Variants in ZNF99 observed in about 807,000 individuals in gnomAD.
ZNF99 encodes zinc finger protein 99.
ZNF99 carries 8 observed loss-of-function variants against 12.8 expected under a neutral mutation model. That is an observed-to-expected ratio of 0.62 (90% CI 0.37 to 1.13). ZNF99 has a LOEUF of 1.13. Among genes scored for constraint, ZNF99 ranks in the 50% most tolerant of loss-of-function variants. The pLI is 0.02. For synonymous variants in ZNF99, 318 were observed against 319.0 expected (o/e 1.00, Z 0.03); for missense variants, 1,007 against 1,006.2 (o/e 1.00, Z -0.01).
In ZNF99 at chr19:22,754,709, C is replaced by T. The variant is rs1177714072; in HGVS notation, c.*2605G>A. The T allele has an allele frequency of 3.2e-5, 9 of 277,460 alleles. No homozygotes were observed. Among genetic ancestry groups the T allele is most frequent in the Non-Finnish European group, 5.8e-5 (8 of 138,754 alleles). 17.2% of individuals were successfully genotyped at this position (277,460 alleles called of 1,614,324 possible). A position where few individuals can be genotyped will look rare whatever the true frequency, so the allele number is the denominator to read the frequency against. On this transcript the variant is annotated 3_prime_UTR_variant, in exon 4 of 4. Coordinates refer to ENST00000596209, the MANE Select transcript of ZNF99 (RefSeq NM_001080409.3). The stretch of plus-strand genomic sequence containing the variant: ...TCTTATGTTCAGTAAGGTTTGAGGA[C>T]GTTAAAAGCTTTGCAACATTCTTCA...
intron 1 of ZNF99, among the ~76,000 whole-genome samples, chr19:22,777,291 T>G (rs1973340629): frequency 6.6e-6 from 1 of 152,146 alleles, no homozygotes; most frequent in African/African-American, 2.4e-5. Context: ...AGAAAACTAA[T>G]GCAGAAAGAG....
At position 22,758,166 on chromosome 19, in the gene ZNF99, A is replaced by C. The variant is rs1973097434; in HGVS notation, c.1743T>G (p.Thr581=). 6.2e-7 allele frequency: 1 copy of C among 1,612,258 alleles called. No individual in the cohort carries two copies. The highest frequency in any genetic ancestry group is 1.7e-5 in the Admixed American group (1 of 59,842). Residue 581 remains threonine (T), a synonymous_variant, in exon 4 of 4, where the codon ACT becomes ACG. Coordinates refer to ENST00000596209, the MANE Select transcript of ZNF99 (RefSeq NM_001080409.3). ...CCCCAGTATGAATTGCTTTATGTCT[A>C]GTAAGATGTGAAGATTGCTTAAAAG... ...GKAFKQSSHL[T]RHKAIHTGEK... is the part of the protein sequence containing the mutation.
At chr19:22,770,007 A>C in intron 1 of ZNF99, 6 of 1,350,836 alleles carry the variant, frequency 4.4e-6, no homozygotes, top group Non-Finnish European at 5.9e-6. Context: ...CACCTCTCAA[A>C]TTTTAATGTG....
At chr19:22,772,206 A>C (rs1288005340) in intron 1 of ZNF99, among the ~76,000 whole-genome samples, 2 of 152,142 alleles carry the variant, frequency 1.3e-5, no homozygotes, top group African/African-American at 2.4e-5. Context: ...AGATGGACAG[A>C]GAGTGAGTTG....
At position 22,772,387 on chromosome 19, in the gene ZNF99, C is replaced by CA. The variant is rs373837530; in HGVS notation, c.4-3064dup. Reference sequence around the variant, plus strand: ...AGCTTCAAAAGATGAATACATAGTGCAAAAAACAAAAAGAAGGTCGGGTAC... The same window carrying CA: ...AGCTTCAAAAGATGAATACATAGTGCAAAAAAACAAAAAGAAGGTCGGGTAC... On this transcript the variant is annotated intron_variant, in intron 1 of 3. Coordinates refer to ENST00000596209, the MANE Select transcript of ZNF99 (RefSeq NM_001080409.3). 2.5e-3 allele frequency among the ~76,000 whole-genome samples: 387 copies of CA among 151,948 alleles called. 1 individual carries two copies. Among genetic ancestry groups the CA allele is most frequent in the African/African-American group, 6.8e-3 (281 of 41,500 alleles).
chr19:22,765,458 C>G (rs1359353264), intron 3 of ZNF99, among the ~76,000 whole-genome samples: 1 of 151,442 alleles, frequency 6.6e-6, no homozygotes, highest in Admixed American at 6.6e-5. Flanking sequence ...AACCAAACAC[C>G]ACTTGTACCT....
In ZNF99 at chr19:22,757,732, A is replaced by G. The variant is rs1973085868; in HGVS notation, c.2177T>C (p.Ile726Thr). The stretch of plus-strand genomic sequence containing the variant: ...TTTGTAGGGTTTCTCTCCAGTATGA[A>G]TTATCTCATGTTTTCTAAGAGTTGA... ...QSSTLRKHEI[I>T]HTGEKPYKCE... Residue 726 changes from isoleucine to threonine, a missense_variant, in exon 4 of 4, where the codon ATT becomes ACT. Transcript: ENST00000596209. The G allele has an allele frequency of 6.2e-7, 1 of 1,612,016 alleles. No individual in the cohort carries two copies. The highest frequency in any genetic ancestry group is 1.7e-5 in the Admixed American group (1 of 59,916).
intron 1 of ZNF99, chr19:22,769,856 G>T: frequency 1.5e-6 from 2 of 1,341,460 alleles, no homozygotes; most frequent in Non-Finnish European, 2.0e-6. Context: ...CACAACACCA[G>T]CACAGACAAG....
At chr19:22,777,554 T>C (rs2025479607) in intron 1 of ZNF99, among the ~76,000 whole-genome samples, 2 of 152,098 alleles carry the variant, frequency 1.3e-5, no homozygotes, top group South Asian at 2.1e-4. Context: ...AAAAACTCTA[T>C]GGGTGAAAGA....
In ZNF99 at chr19:22,754,004, T is replaced by C. The variant is rs534050600; in HGVS notation, c.*3310A>G. The C allele has an allele frequency of 1.1e-4, 49 of 456,046 alleles. No homozygotes were observed. The highest frequency in any genetic ancestry group is 7.4e-4 in the South Asian group (48 of 64,556). 28.2% of individuals were successfully genotyped at this position (456,046 alleles called of 1,614,324 possible). ...GTTTAAGGTGTTCTCAAGAGCACTG[T>C]CATGTCTTTTAGGTTTGTAGAGCTT... On this transcript the variant is annotated 3_prime_UTR_variant, in exon 4 of 4. Coordinates refer to ENST00000596209, the MANE Select transcript of ZNF99 (RefSeq NM_001080409.3).
chr19:22,757,260 T>C lies in ZNF99; in HGVS notation c.*54A>G. ...TTATGTTTCCTAAGGGTTGAGGAAT[T>C]GTTAAAAGCTTTGCCACATTCTTCA... On this transcript the variant is annotated 3_prime_UTR_variant, in exon 4 of 4. Transcript: ENST00000596209. The C allele has an allele frequency of 1.9e-6, 3 of 1,587,636 alleles. No homozygotes were observed. The highest frequency in any genetic ancestry group is 2.6e-6 in the Non-Finnish European group (3 of 1,162,498).
intron 1 of ZNF99, among the ~76,000 whole-genome samples, chr19:22,778,888 T>C (rs552668107): frequency 6.6e-6 from 1 of 151,972 alleles, no homozygotes; most frequent in South Asian, 2.1e-4. Flanking sequence ...CTGCCTGTAA[T>C]CCCAGCTACT....
chr19:22,755,627 T>A lies in ZNF99; in HGVS notation c.*1687A>T, dbSNP rs541510225. The A allele has an allele frequency of 1.4e-5, 4 of 281,060 alleles. No homozygotes were observed. The East Asian group carries it at 3.6e-4, about 25-fold the overall frequency. The allele number at this position is 281,060 out of a possible 1,614,324, so 17.4% of individuals were successfully genotyped here. A position where few individuals can be genotyped will look rare whatever the true frequency, so the allele number is the denominator to read the frequency against. ...AAATTCTTTAAATTTGTAGTGTTCC[T>A]CTCCAAGATAAATTATTTTATGTTG... On this transcript the variant is annotated 3_prime_UTR_variant, in exon 4 of 4. Transcript: ENST00000596209.
chr19:22,763,533 T>C (rs565916039), intron 3 of ZNF99, among the ~76,000 whole-genome samples: 7 of 152,296 alleles, frequency 4.6e-5, no homozygotes, highest in African/African-American at 1.4e-4. Flanking sequence ...AGAATCAATA[T>C]TGTGAAAATG....
Position 22,759,260 on chromosome 19 carries a change from T to C in ZNF99, c.649A>G (p.Ile217Val), listed in dbSNP as rs774249145. 1.9e-6 allele frequency: 3 copies of C among 1,552,732 alleles called. No homozygotes were observed. The highest frequency in any genetic ancestry group is 2.6e-6 in the Non-Finnish European group (3 of 1,149,478). The change falls in exon 4 of 4, where the codon ATT becomes GTT. Residue 217 changes from isoleucine (I) to valine (V), a missense_variant. Transcript: ENST00000596209. ...TCAGTATGAATTATCTTATGTTTAA[T>C]AAGGGTTGAGAACCATTTAAAGGCT... ...GKAFKWFSTL[I>V]KHKIIHTEDK...
At position 22,752,686 on chromosome 19, in the gene ZNF99, T is replaced by A. The variant is rs1170534749; in HGVS notation, c.*4628A>T. On this transcript the variant is annotated 3_prime_UTR_variant, in exon 4 of 4. Coordinates refer to ENST00000596209, the MANE Select transcript of ZNF99 (RefSeq NM_001080409.3). ...GTTAAAGCGAGTGGCATAATAACACTTCATTGAATGTACAACAGACTTAAC... is the reference window on the plus strand; with the variant it reads ...GTTAAAGCGAGTGGCATAATAACACATCATTGAATGTACAACAGACTTAAC... 6.6e-6 allele frequency: 1 copy of A among 152,120 alleles called. No homozygotes were observed. Among genetic ancestry groups the A allele is most frequent in the East Asian group, 1.9e-4 (1 of 5,198 alleles). 9.4% of individuals were successfully genotyped at this position (152,120 alleles called of 1,614,324 possible). A position where few individuals can be genotyped will look rare whatever the true frequency, so the allele number is the denominator to read the frequency against.
At chr19:22,779,654 G>A (rs895425228) in intron 1 of ZNF99, among the ~76,000 whole-genome samples, 2 of 152,150 alleles carry the variant, frequency 1.3e-5, no homozygotes, top group African/African-American at 4.8e-5. Context: ...CCCTCAGTCT[G>A]AGTCAACATA....
At chr19:22,782,661 CTTT>C (rs71180598) in intron 1 of ZNF99, among the ~76,000 whole-genome samples, 2 of 86,646 alleles carry the variant, frequency 2.3e-5, no homozygotes, top group Admixed American at 1.6e-4. Context: ...CGCACCTGGC[CTTT>C]TTTTTTTTTT....
Position 22,759,007 on chromosome 19 carries a change from G to A in ZNF99, c.902C>T (p.Thr301Ile). 6.2e-7 allele frequency: 1 copy of A among 1,613,022 alleles called. No homozygotes were observed. Residue 301 changes from threonine (T) to isoleucine (I), a missense_variant, in exon 4 of 4, where the codon ACT becomes ATT. Thr to Ile is a moderately conservative substitution (Grantham distance 89). Coordinates refer to ENST00000596209, the MANE Select transcript of ZNF99 (RefSeq NM_001080409.3). Reference sequence around the variant, plus strand: ...TCCAGTATGAATTGCTTTATGTCTAGTAAGGTGTGAGGATTGCTTAAAAGC... The same window carrying A: ...TCCAGTATGAATTGCTTTATGTCTAATAAGGTGTGAGGATTGCTTAAAAGC... ...GKAFKQSSHL[T>I]RHKAIHTGEK...
Sources: allele counts gnomAD v4.1 joint callset (sites outside exome capture counted in the v4.1 genomes callset), GRCh38; gene constraint gnomAD v4.1.1; transcripts MANE v1.5; gene names NCBI Gene and HGNC (gene_info 2026-07-23, HGNC 2026-07-21).